The following CLASP1 variants were observed in gnomAD, a reference collection of about 807,000 sequenced individuals.
The protein encoded by CLASP1 is cytoplasmic linker associated protein 1.
In CLASP1, 38 loss-of-function variants were observed where a neutral mutation model predicts 192.3. The observed-to-expected ratio is 0.20, with a 90% CI of 0.15 to 0.26. CLASP1 has a LOEUF of 0.26. CLASP1 is among the 10% of genes least tolerant of loss of function. The pLI, the probability that CLASP1 is intolerant of heterozygous loss-of-function variation, is 1.00. For missense variants in CLASP1, 1,433 were observed against 1,932.5 expected, an observed-to-expected ratio of 0.74 and a Z score of 4.85; for synonymous variants, 691 against 712.8, an observed-to-expected ratio of 0.97 and a Z score of 0.49.
At chr2:121,406,728 T>C (rs1380728029) in intron 25 of CLASP1, among the ~76,000 whole-genome samples, 1 of 152,170 alleles carries the variant, frequency 6.6e-6, no homozygotes, top group Non-Finnish European at 1.5e-5. Flanking sequence ...TATCTGGGAT[T>C]ACAGATGCAT....
intron 1 of CLASP1, among the ~76,000 whole-genome samples, chr2:121,647,844 C>T (rs925088470): frequency 6.6e-6 from 1 of 152,142 alleles, no homozygotes; most frequent in Non-Finnish European, 1.5e-5. Context: ...GTTAACCTTA[C>T]CTGGGAGAAT....
At chr2:121,597,945 T>C (rs2063332818) in intron 2 of CLASP1, among the ~76,000 whole-genome samples, 1 of 152,108 alleles carries the variant, frequency 6.6e-6, no homozygotes, top group African/African-American at 2.4e-5. Flanking sequence ...TCATCCCTTC[T>C]CACCTGATGA....
At chr2:121,470,661 T>C in intron 8 of CLASP1, 1 of 453,772 alleles carries the variant, frequency 2.2e-6, no homozygotes, top group Non-Finnish European at 4.4e-6. Context: ...TTTTTTTGTT[T>C]GTTTGAATTT....
intron 8 of CLASP1, among the ~76,000 whole-genome samples, chr2:121,475,820 T>C (rs1326960453): frequency 6.6e-6 from 1 of 152,200 alleles, no homozygotes; most frequent in African/African-American, 2.4e-5. Context: ...TCAGCCCCAC[T>C]GCAGACTGCC....
At chr2:121,610,493 T>C (rs1402627549) in intron 1 of CLASP1, among the ~76,000 whole-genome samples, 1 of 95,640 alleles carries the variant, frequency 1.0e-5, no homozygotes, top group Non-Finnish European at 2.1e-5. Context: ...GAAGAGGAGC[T>C]GGAGGAGGAA....
At chr2:121,403,805 C>T (rs139965277) in intron 26 of CLASP1, 1 of 464,846 alleles carries the variant, frequency 2.2e-6, no homozygotes, top group East Asian at 6.5e-5. Flanking sequence ...ATTCCTTGGG[C>T]TTAGTGTTCC....
chr2:121,366,402 T>G (rs1443930960), intron 35 of CLASP1, among the ~76,000 whole-genome samples: 3 of 152,240 alleles, frequency 2.0e-5, no homozygotes, highest in Non-Finnish European at 2.9e-5. Flanking sequence ...ATTAGGCTTT[T>G]AATCCCTACA....
At chr2:121,390,588 C>T (rs774498469) in intron 30 of CLASP1, among the ~76,000 whole-genome samples, 58 of 152,308 alleles carry the variant, frequency 3.8e-4, no homozygotes, top group Non-Finnish European at 6.6e-4. Context: ...TGTTGCACAT[C>T]TTATAGCAGA....
At chr2:121,544,704 T>C (rs994868626) in intron 2 of CLASP1, among the ~76,000 whole-genome samples, 10 of 151,964 alleles carry the variant, frequency 6.6e-5, no homozygotes, top group Admixed American at 5.2e-4. Context: ...ACGTACCACA[T>C]GACTGCAATT....
At chr2:121,530,863 C>G (rs957097231) in intron 2 of CLASP1, 1 of 677,914 alleles carries the variant, frequency 1.5e-6, no homozygotes. Flanking sequence ...GCTTGCAGCC[C>G]AGGGACTTTC....
intron 19 of CLASP1, among the ~76,000 whole-genome samples, chr2:121,433,667 A>G (rs544972734): frequency 1.3e-5 from 2 of 152,196 alleles, no homozygotes; most frequent in South Asian, 2.1e-4. Context: ...GAGGCACGAG[A>G]ATTGCTTGAA....
intron 37 of CLASP1, among the ~76,000 whole-genome samples, chr2:121,349,127 C>T (rs1056262564): frequency 2.0e-5 from 3 of 151,982 alleles, no homozygotes; most frequent in African/African-American, 7.3e-5. Context: ...GTAGTCCCAG[C>T]TACTCGGGAG....
rs377056109 is a variant in CLASP1 at position 121,425,258 on chromosome 2, C to G, written c.2093G>C (p.Gly698Ala). 6 of 1,612,598 alleles carry G rather than the reference C, an allele frequency of 3.7e-6. No homozygotes were observed. In the African/African-American group the frequency reaches 4.0e-5, roughly 11 times the overall value. ...TCGTGAGGAGCCCCCAGTAAGTCCA[C>G]CATAACCACTTCCCAACAATTTTCC... Residue 698 changes from glycine to alanine, a missense_variant, in exon 22 of 40, where the codon GGT becomes GCT. Transcript: ENST00000263710.
chr2:121,478,349 C>T (rs921037065), intron 8 of CLASP1, among the ~76,000 whole-genome samples: 4 of 152,116 alleles, frequency 2.6e-5, no homozygotes, highest in African/African-American at 9.7e-5. Context: ...ATCTGTAATC[C>T]CAGCACTTTG....
intron 20 of CLASP1, among the ~76,000 whole-genome samples, chr2:121,429,090 T>C (rs1041336440): frequency 6.6e-6 from 1 of 152,210 alleles, no homozygotes; most frequent in African/African-American, 2.4e-5. Context: ...TAACTGATCT[T>C]CTGCTTTCTT....
At chr2:121,458,886 T>C (rs1276456992) in exon 13 of CLASP1, 1 of 1,612,420 alleles carries the variant, frequency 6.2e-7, no homozygotes, top group South Asian at 1.1e-5. Flanking sequence ...GGCCATAATT[T>C]TGGCACTGTT....
chr2:121,482,507 C>A (rs1449925513), intron 8 of CLASP1, among the ~76,000 whole-genome samples: 3 of 152,134 alleles, frequency 2.0e-5, no homozygotes, highest in African/African-American at 4.8e-5. Flanking sequence ...AGAAGAGTAT[C>A]TCTAAACATA....
intron 2 of CLASP1, among the ~76,000 whole-genome samples, chr2:121,594,853 CAT>C (rs1338693412): frequency 2.0e-5 from 3 of 152,096 alleles, no homozygotes; most frequent in African/African-American, 7.2e-5. Flanking sequence ...GAAAACAAGA[CAT>C]ATGTGATAAA....
chr2:121,636,378 T>A (rs2070877297), intron 1 of CLASP1, among the ~76,000 whole-genome samples: 1 of 130,720 alleles, frequency 7.6e-6, no homozygotes, highest in Non-Finnish European at 1.6e-5. Flanking sequence ...TAATAATAAA[T>A]TTTAGGGTGG....
Sources: gnomAD v4.1 joint callset for allele counts (sites outside exome capture counted in the v4.1 genomes callset) on GRCh38, gnomAD v4.1.1 for gene constraint, MANE v1.5 for transcripts, NCBI Gene and HGNC (gene_info 2026-07-23, HGNC 2026-07-21) for gene names.